The following CD36 variants were observed in gnomAD, a reference collection of about 807,000 sequenced individuals.
The protein encoded by CD36 is platelet glycoprotein 4.
Under a neutral mutation model 55.2 loss-of-function variants are expected in CD36, and 119 were observed. The observed-to-expected ratio is 2.15, with a 90% confidence interval of 1.86 to 2.51. The LOEUF is 2.51. CD36 is among the 30% of genes most tolerant of loss of function. The probability of loss-of-function intolerance (pLI) is 0.00; values close to 1 mark genes in which losing one functional copy is unlikely to be tolerated. For synonymous variants in CD36, 186 were observed against 193.6 expected (o/e 0.96, Z 0.33); for missense variants, 819 against 555.5 (o/e 1.47, Z -4.77).
chr7:80,648,732 A>G (rs1325171961), intron 3 of CD36, among the ~76,000 whole-genome samples: 7 of 152,118 alleles, frequency 4.6e-5, no homozygotes, highest in Non-Finnish European at 7.4e-5. Context: ...ACTTTGAAAG[A>G]GAAATCTCTC....
At chr7:80,619,944 T>G (rs925950247) in intron 1 of CD36, among the ~76,000 whole-genome samples, 2 of 152,182 alleles carry the variant, frequency 1.3e-5, no homozygotes, top group African/African-American at 4.8e-5. Flanking sequence ...AAGATGTGAC[T>G]GCATTGGTGC....
At chr7:80,660,084 T>C (rs1392323458) in intron 4 of CD36, among the ~76,000 whole-genome samples, 3 of 152,166 alleles carry the variant, frequency 2.0e-5, no homozygotes, top group Non-Finnish European at 2.9e-5. Context: ...TCAGTCCAAT[T>C]GCTTAAGTCT....
At chr7:80,654,281 T>G (rs1482465932) in intron 3 of CD36, among the ~76,000 whole-genome samples, 1 of 152,198 alleles carries the variant, frequency 6.6e-6, no homozygotes, top group East Asian at 1.9e-4. Flanking sequence ...TTGAGTTTCT[T>G]TCATTAAGAG....
intron 1 of CD36, among the ~76,000 whole-genome samples, chr7:80,604,862 T>G (rs1194613925): frequency 3.3e-5 from 5 of 152,156 alleles, no homozygotes; most frequent in Non-Finnish European, 4.4e-5. Flanking sequence ...TATATATTAG[T>G]CATGTCATGT....
At chr7:80,633,411 CTT>C (rs1794202261) in intron 1 of CD36, 1 of 151,920 alleles carries the variant, frequency 6.6e-6, no homozygotes, top group African/African-American at 2.4e-5. Context: ...TTTATCCTGA[CTT>C]TTGATTCATT....
intron 9 of CD36, chr7:80,670,361 C>A (rs1487089251): frequency 9.3e-6 from 3 of 322,640 alleles, no homozygotes; most frequent in Admixed American, 4.7e-5. Flanking sequence ...TTGTGGGGCC[C>A]AGTAGATAAC....
At chr7:80,650,315 T>C (rs1273895272) in intron 3 of CD36, among the ~76,000 whole-genome samples, 2 of 152,178 alleles carry the variant, frequency 1.3e-5, no homozygotes, top group Admixed American at 6.6e-5. Context: ...ACCTTGTTAA[T>C]TTAGTCATAT....
At chr7:80,617,002 G>T (rs1403926490) in intron 1 of CD36, among the ~76,000 whole-genome samples, 4 of 152,132 alleles carry the variant, frequency 2.6e-5, no homozygotes, top group South Asian at 4.1e-4. Flanking sequence ...GAGAATTGTG[G>T]CTAAAACTAA....
At chr7:80,617,419 T>G (rs557514750) in intron 1 of CD36, among the ~76,000 whole-genome samples, 3 of 152,056 alleles carry the variant, frequency 2.0e-5, no homozygotes, top group Non-Finnish European at 2.9e-5. Context: ...TCAAAATAAT[T>G]TTTAAAAAGT....
chr7:80,665,200 T>C (rs1796952911), intron 7 of CD36, among the ~76,000 whole-genome samples: 1 of 120,434 alleles, frequency 8.3e-6, no homozygotes, highest in Non-Finnish European at 1.6e-5. Flanking sequence ...CATTATTTCC[T>C]TTTTTTTTTT....
At chr7:80,656,500 A>G (rs1271898531) in intron 3 of CD36, 40 bp from the exon 4 acceptor site, 5 of 1,592,688 alleles carry the variant, frequency 3.1e-6, no homozygotes, top group East Asian at 2.2e-5. Flanking sequence ...GCCTGTACTT[A>G]CTACAAAGAC....
rs984224328 is a variant in CD36, at chr7:80,650,643, A to G, written c.120+3783A>G. 2.0e-5 allele frequency among the ~76,000 whole-genome samples: 3 copies of G among 152,188 alleles called. 1 individual carries two copies. The highest frequency in any genetic ancestry group is 2.0e-4 in the Admixed American group (3 of 15,270). On this transcript the variant is annotated intron_variant, in intron 3 of 14. Coordinates refer to ENST00000447544, the MANE Select transcript of CD36 (RefSeq NM_001001548.3). ...GTATACAAGTGATATTTGGAAAAAA[A>G]TAATTAAACTTCTTAATTGAGAATG...
At chr7:80,604,705 T>G (rs1257097338) in intron 1 of CD36, among the ~76,000 whole-genome samples, 1 of 152,016 alleles carries the variant, frequency 6.6e-6, no homozygotes, top group African/African-American at 2.4e-5. Flanking sequence ...TGTTTGCCCT[T>G]CAGTGCTTGT....
intron 3 of CD36, among the ~76,000 whole-genome samples, chr7:80,654,165 C>A (rs1338350442): frequency 6.6e-6 from 1 of 152,144 alleles, no homozygotes; most frequent in African/African-American, 2.4e-5. Flanking sequence ...CATACACGTA[C>A]AATGTCTTTT....
At chr7:80,668,050 G>C (rs1407540906) in intron 8 of CD36, among the ~76,000 whole-genome samples, 2 of 151,992 alleles carry the variant, frequency 1.3e-5, no homozygotes, top group Non-Finnish European at 2.9e-5. Context: ...CCTGGCCAAG[G>C]CTTTGCAGGG....
intron 10 of CD36, among the ~76,000 whole-genome samples, 180 bp downstream of exon 10, chr7:80,671,344 AAG>A (rs1797660616): frequency 6.6e-6 from 1 of 152,176 alleles, no homozygotes; most frequent in Admixed American, 6.5e-5. Context: ...TAAAGTAAGA[AAG>A]TAATTAGGGC....
chr7:80,665,076 A>C (rs2116733934), intron 7 of CD36, among the ~76,000 whole-genome samples: 1 of 152,260 alleles, frequency 6.6e-6, no homozygotes, highest in East Asian at 1.9e-4. Context: ...TAACTTTATC[A>C]ATGCAAAAAT....
Position 80,663,105 on chromosome 7 carries a change from A to G in CD36, c.545A>G (p.Tyr182Cys), listed in dbSNP as rs982794413. Residue 182 changes from tyrosine to cysteine, a missense_variant, in exon 6 of 15, where the codon TAT becomes TGT. By Grantham distance (194) the Tyr-to-Cys change is radical. Transcript: ENST00000447544. ...VRTLRELLWG[Y>C]RDPFLSLVPY... is the part of the protein sequence containing the mutation. Reference sequence around the variant, plus strand: ...ACTTTGAGAGAACTGTTATGGGGCTATAGGGATCCATTTTTGAGTTTGGTT... The same window carrying G: ...ACTTTGAGAGAACTGTTATGGGGCTGTAGGGATCCATTTTTGAGTTTGGTT... 3.1e-6 allele frequency: 5 copies of G among 1,613,604 alleles called. No homozygotes were observed. The highest frequency in any genetic ancestry group is 2.2e-5 in the East Asian group (1 of 44,790).
rs1797861967 is a variant in CD36, at chr7:80,672,966, T to A, written c.1199+123T>A. 18 of 718,444 alleles carry A rather than the reference T, an allele frequency of 2.5e-5. No individual in the cohort carries two copies. The South Asian group carries it at 2.8e-4, about 11-fold the overall frequency. The allele number at this position is 718,444 out of a possible 1,614,324, so 44.5% of individuals were successfully genotyped here. On this transcript the variant is annotated intron_variant, in intron 12 of 14. Coordinates refer to ENST00000447544, the MANE Select transcript of CD36 (RefSeq NM_001001548.3). Reference sequence around the variant, plus strand: ...CATCTGATATCAACTTATCTTTAGCTTAATGTCACCAATCATTATTAAATG... The same window carrying A: ...CATCTGATATCAACTTATCTTTAGCATAATGTCACCAATCATTATTAAATG...
Sources: allele counts gnomAD v4.1 joint callset (sites outside exome capture counted in the v4.1 genomes callset), GRCh38; gene constraint gnomAD v4.1.1; transcripts MANE v1.5; gene names NCBI Gene and HGNC (gene_info 2026-07-23, HGNC 2026-07-21).